The following PRKCSH variants were observed in gnomAD, a reference collection of about 807,000 sequenced individuals.
PRKCSH encodes the protein PRKCSH beta subunit of glucosidase II.
Under a neutral mutation model 79.7 loss-of-function variants are expected in PRKCSH, and 42 were observed. The ratio of observed to expected loss-of-function variants is 0.53; its 90% CI spans 0.41 to 0.68. The LOEUF is 0.68. Among genes scored for constraint, PRKCSH ranks in the 30% least tolerant of loss-of-function variants. PRKCSH has a pLI of 0.00. For missense variants in PRKCSH, 686 were observed against 709.0 expected, an observed-to-expected ratio of 0.97 and a Z score of 0.37; for synonymous variants, 325 against 288.2, an observed-to-expected ratio of 1.13 and a Z score of -1.29.
intron 6 of PRKCSH, 103 bp from the exon 7 acceptor site, chr19:11,442,283 G>T (rs1363416390): frequency 6.8e-7 from 1 of 1,480,906 alleles, no homozygotes; most frequent in East Asian, 2.6e-5. Flanking sequence ...GTGTGTTTTG[G>T]AACATCTCCC....
In PRKCSH at chr19:11,447,302, A is replaced by G; in HGVS notation, c.850-137A>G. On this transcript the variant is annotated intron_variant, in intron 10 of 17. Coordinates refer to ENST00000677123, the MANE Select transcript of PRKCSH (RefSeq NM_001289104.2). The surrounding 1 kb of genome is among the most constrained non-coding windows in gnomAD (Gnocchi z 5.6). Reference sequence around the variant, plus strand: ...CAGCACCCCCCACCGAGACCCCCCGACCCCAGCTGTCGGTCCTCCCTGCAG... The same window carrying G: ...CAGCACCCCCCACCGAGACCCCCCGGCCCCAGCTGTCGGTCCTCCCTGCAG... 1 of 1,153,662 alleles carries G rather than the reference A, an allele frequency of 8.7e-7. No homozygotes were observed. Among genetic ancestry groups the G allele is most frequent in the Non-Finnish European group, 1.2e-6 (1 of 818,894 alleles). 71.5% of individuals were successfully genotyped at this position (1,153,662 alleles called of 1,614,324 possible). A position where few individuals can be genotyped will look rare whatever the true frequency, so the allele number is the denominator to read the frequency against.
rs1231324571 is a variant in PRKCSH at position 11,448,580 on chromosome 19, G to A, written c.1237G>A (p.Gly413Arg). The A allele has an allele frequency of 8.1e-6, 13 of 1,614,098 alleles. No individual in the cohort carries two copies. The highest frequency in any genetic ancestry group is 2.7e-5 in the African/African-American group (2 of 74,946). The change falls in exon 14 of 18, where the codon GGG (glycine) becomes AGG (arginine). Residue 413 changes from glycine to arginine, a missense_variant. Physicochemically the swap from Gly to Arg is moderately radical, Grantham distance 125. Transcript: ENST00000677123. The surrounding 1 kb of genome is among the most constrained non-coding windows in gnomAD (Gnocchi z 4.4). ...GATTTCTTTTGACTTTGGCCCCAAC[G>A]GGGAGTTTGCTTACCTGTACAGCCA... ...QEISFDFGPNGEFAYLYSQCY... is the reference protein window; with the variant it reads ...QEISFDFGPNREFAYLYSQCY...
rs940119051 is a variant in PRKCSH, at chr19:11,448,861, G to A, written c.1287-53G>A. 2.4e-5 allele frequency: 38 copies of A among 1,604,220 alleles called. No homozygotes were observed. Among genetic ancestry groups the A allele is most frequent in the Admixed American group, 3.3e-5 (2 of 60,006 alleles). On this transcript the variant is annotated intron_variant, in intron 14 of 17. Transcript: ENST00000677123. This position sits in a 1 kb window ranked among gnomAD's most constrained non-coding sequence, Gnocchi z 4.4. ...AGGAGGCGGTGGGGGGTGGCTGTGG[G>A]AGGAGGCTGGAATCCCTGCGTTCCC...
chr19:11,449,256 C>G lies in PRKCSH; in HGVS notation c.1462-10C>G. Reference sequence around the variant, plus strand: ...CGAACCCTCTCGAGCACCCGTCTGCCCATCCCCAGGTGCGCCTCCTGTGCG... The same window carrying G: ...CGAACCCTCTCGAGCACCCGTCTGCGCATCCCCAGGTGCGCCTCCTGTGCG... On this transcript the variant is annotated splice_polypyrimidine_tract_variant and intron_variant, in intron 16 of 17. Transcript: ENST00000677123. The surrounding 1 kb of genome is among the most constrained non-coding windows in gnomAD (Gnocchi z 6.4). 4 of 1,613,714 alleles carry G rather than the reference C, an allele frequency of 2.5e-6. No individual in the cohort carries two copies. Among genetic ancestry groups the G allele is most frequent in the East Asian group, 2.2e-5 (1 of 44,884 alleles).
At chr19:11,446,181 T>C in intron 8 of PRKCSH, 91 bp from the exon 9 acceptor site, 1 of 1,420,652 alleles carries the variant, frequency 7.0e-7, no homozygotes, top group South Asian at 1.2e-5. Flanking sequence ...GGTGGGGCCC[T>C]GCAGGGAAGA....
Position 11,439,605 on chromosome 19 carries a change from C to CTTTTTTT in PRKCSH, c.350+1502_350+1508dup, listed in dbSNP as rs758607686. Among the ~76,000 whole-genome samples, 383 of 68,866 alleles carry CTTTTTTT rather than the reference C, an allele frequency of 5.6e-3. 9 individuals carry two copies. Among genetic ancestry groups the CTTTTTTT allele is most frequent in the African/African-American group, 0.017 (303 of 17,520 alleles). 45.2% of individuals were successfully genotyped at this position (68,866 alleles called of 152,430 possible). Reference sequence around the variant, plus strand: ...CCCGTCTCAGAAAAATTTTTCTTTTCTTTTTTTTTTTTTTTTTTTTTTTTT... The same window carrying CTTTTTTT: ...CCCGTCTCAGAAAAATTTTTCTTTTCTTTTTTTTTTTTTTTTTTTTTTTTTTTTTTTT... On this transcript the variant is annotated intron_variant, in intron 5 of 17. Transcript: ENST00000677123.
rs1183079464 is a variant in PRKCSH at position 11,448,132 on chromosome 19, A to G, written c.1127-90A>G. ...TCCTTGGCCAGAGCAAAATGAGGGT[A>G]TGGGAGCACACAGCCACATCCATGG... is the stretch of plus-strand genomic sequence containing the variant. On this transcript the variant is annotated intron_variant, in intron 12 of 17. Transcript: ENST00000677123. The surrounding 1 kb of genome is among the most constrained non-coding windows in gnomAD (Gnocchi z 4.4). The G allele has an allele frequency of 1.5e-6, 2 of 1,321,762 alleles. No homozygotes were observed. Among genetic ancestry groups the G allele is most frequent in the Non-Finnish European group, 2.1e-6 (2 of 939,438 alleles). The allele number at this position is 1,321,762 out of a possible 1,614,324, so 81.9% of individuals were successfully genotyped here.
Position 11,447,040 on chromosome 19 carries a change from G to A in PRKCSH, c.763-34G>A. 6.2e-7 allele frequency: 1 copy of A among 1,602,362 alleles called. No homozygotes were observed. The highest frequency in any genetic ancestry group is 1.7e-5 in the Admixed American group (1 of 60,000). On this transcript the variant is annotated intron_variant, in intron 9 of 17. Transcript: ENST00000677123. The surrounding 1 kb of genome is among the most constrained non-coding windows in gnomAD (Gnocchi z 5.6). ...TGGCCGAGATGGGGGACACGTGGTG[G>A]CCTAGATCTTGACACCACCCCCAAC...
At chr19:11,441,417 G>T (rs1009003317) in intron 6 of PRKCSH, 60 bp downstream of exon 6, 20 of 1,517,916 alleles carry the variant, frequency 1.3e-5, no homozygotes, top group Non-Finnish European at 1.7e-5. Flanking sequence ...CATAGTGTGG[G>T]CTTGCAAGGC....
intron 5 of PRKCSH, chr19:11,440,936 A>T: frequency 2.6e-6 from 1 of 386,248 alleles, no homozygotes; most frequent in Non-Finnish European, 5.0e-6. Context: ...AACTGCTGGG[A>T]TTACAGGCAT....
Position 11,447,897 on chromosome 19 carries a change from G to T in PRKCSH, c.1126+108G>T. ...CTTAGACCCTGCTCTGACTCGGCCA[G>T]CACAAGCCCCAGTATCTTGGGGAGT... On this transcript the variant is annotated intron_variant, in intron 12 of 17. Transcript: ENST00000677123. This position sits in a 1 kb window ranked among gnomAD's most constrained non-coding sequence, Gnocchi z 5.6. 7.7e-7 allele frequency: 1 copy of T among 1,290,446 alleles called. No individual in the cohort carries two copies. The highest frequency in any genetic ancestry group is 1.1e-6 in the Non-Finnish European group (1 of 948,914). The allele number at this position is 1,290,446 out of a possible 1,614,324, so 79.9% of individuals were successfully genotyped here. A position where few individuals can be genotyped will look rare whatever the true frequency, so the allele number is the denominator to read the frequency against.
Position 11,447,671 on chromosome 19 carries a change from A to ACTGACC in PRKCSH, c.1030-18_1030-13dup, listed in dbSNP as rs768149761. The ACTGACC allele has an allele frequency of 6.4e-7, 1 of 1,563,474 alleles. No individual in the cohort carries two copies. Among genetic ancestry groups the ACTGACC allele is most frequent in the Non-Finnish European group, 8.7e-7 (1 of 1,153,868 alleles). On this transcript the variant is annotated intron_variant, in intron 11 of 17. Transcript: ENST00000677123. This position sits in a 1 kb window ranked among gnomAD's most constrained non-coding sequence, Gnocchi z 5.6. ...AGAGAGGGTGGGGGAAGGGCTACTC[A>ACTGACC]CTGACCCTGCCCCTGCCCCAGGAGG...
At position 11,448,580 on chromosome 19, in the gene PRKCSH, G is replaced by T; in HGVS notation, c.1237G>T (p.Gly413Trp). 2 of 1,614,216 alleles carry T rather than the reference G, an allele frequency of 1.2e-6. No individual in the cohort carries two copies. The highest frequency in any genetic ancestry group is 8.5e-7 in the Non-Finnish European group (1 of 1,180,032). ...QEISFDFGPN[G>W]EFAYLYSQCY... ...GATTTCTTTTGACTTTGGCCCCAAC[G>T]GGGAGTTTGCTTACCTGTACAGCCA... Residue 413 changes from glycine (G) to tryptophan (W), a missense_variant, in exon 14 of 18, where the codon GGG becomes TGG. Coordinates refer to ENST00000677123, the MANE Select transcript of PRKCSH (RefSeq NM_001289104.2). The surrounding 1 kb of genome is among the most constrained non-coding windows in gnomAD (Gnocchi z 4.4).
intron 3 of PRKCSH, chr19:11,436,728 G>A (rs1568360054): frequency 1.9e-6 from 1 of 539,842 alleles, no homozygotes. Context: ...AAGGAGGTGA[G>A]GTTTCAGTTG....
intron 7 of PRKCSH, among the ~76,000 whole-genome samples, chr19:11,443,407 T>C (rs1970154281): frequency 6.6e-6 from 1 of 151,858 alleles, no homozygotes; most frequent in Admixed American, 6.6e-5. Flanking sequence ...CAGCTGGACA[T>C]GGTGGTGTGT....
At chr19:11,437,337 C>G (rs1483168971) in intron 3 of PRKCSH, among the ~76,000 whole-genome samples, 2 of 143,216 alleles carry the variant, frequency 1.4e-5, no homozygotes, top group Non-Finnish European at 3.0e-5. Context: ...CGTACCTGGC[C>G]TTGTTTTGTT....
chr19:11,438,270 T>G, intron 5 of PRKCSH, 146 bp downstream of exon 5: 1 of 896,826 alleles, frequency 1.1e-6, no homozygotes, highest in Admixed American at 2.0e-5. Context: ...AATCCCCACC[T>G]TTCCCTCTAG....
Position 11,448,331 on chromosome 19 carries a change from G to T in PRKCSH, c.1196+40G>T. 1.3e-6 allele frequency: 2 copies of T among 1,557,416 alleles called. No individual in the cohort carries two copies. Among genetic ancestry groups the T allele is most frequent in the South Asian group, 2.4e-5 (2 of 84,830 alleles). On this transcript the variant is annotated intron_variant, in intron 13 of 17. Transcript: ENST00000677123. The surrounding 1 kb of genome is among the most constrained non-coding windows in gnomAD (Gnocchi z 4.4). ...GGAGCGGGGACACCTGTCCCACAGC[G>T]ACTGCTCCTTGACTCCCAGGGGAGC...
rs772517999 is a variant in PRKCSH at position 11,447,407 on chromosome 19, C to A, written c.850-32C>A. The A allele has an allele frequency of 6.2e-7, 1 of 1,608,508 alleles. No individual in the cohort carries two copies. Among genetic ancestry groups the A allele is most frequent in the South Asian group, 1.1e-5 (1 of 90,846 alleles). On this transcript the variant is annotated intron_variant, in intron 10 of 17. Transcript: ENST00000677123. This position sits in a 1 kb window ranked among gnomAD's most constrained non-coding sequence, Gnocchi z 5.6. ...CTGAGGGTGTGGGTGGACCCTGAGT[C>A]CACAACACCGACCGCACTGCTCACC...
Sources: allele counts gnomAD v4.1 joint callset (sites outside exome capture counted in the v4.1 genomes callset), GRCh38; gene constraint gnomAD v4.1.1; non-coding constraint Gnocchi (gnomAD v3.1); transcripts MANE v1.5; gene names NCBI Gene and HGNC (gene_info 2026-07-23, HGNC 2026-07-21).